TAF4: variants seen among roughly 807,000 people sequenced by gnomAD.
TAF4 encodes transcription initiation factor TFIID subunit 4.
A neutral mutation model predicts 90.3 loss-of-function variants in TAF4; 9 were observed. That is an observed-to-expected ratio of 0.10 (90% CI 0.06 to 0.17). The LOEUF (loss-of-function observed/expected upper bound fraction) is 0.17. Ranked by LOEUF, TAF4 falls within the 10% of genes least tolerant of loss-of-function variation. The probability of loss-of-function intolerance (pLI) is 1.00; values close to 1 mark genes in which losing one functional copy is unlikely to be tolerated. For missense variants in TAF4, 1,351 were observed against 1,370.7 expected (o/e 0.99, Z 0.23); for synonymous variants, 818 against 638.9 (o/e 1.28, Z -4.23).
chr20:61,980,924 G>C (rs1247113270), intron 14 of TAF4: 1 of 152,552 alleles, frequency 6.6e-6, no homozygotes, highest in Non-Finnish European at 1.5e-5. Context: ...CAGGGCCTGA[G>C]AGGTGTCCAG....
intron 9 of TAF4, among the ~76,000 whole-genome samples, chr20:62,002,897 GA>G (rs1568928434): frequency 1.3e-5 from 2 of 152,306 alleles, no homozygotes; most frequent in Non-Finnish European, 2.9e-5. Context: ...ACTAAAAAAT[GA>G]ATTTCCTATT....
chr20:62,024,165 A>C (rs1040590224), intron 1 of TAF4, among the ~76,000 whole-genome samples: 1 of 152,222 alleles, frequency 6.6e-6, no homozygotes, highest in Admixed American at 6.5e-5. Flanking sequence ...AAGCAGGCCC[A>C]CACGCGGATG....
intron 14 of TAF4, among the ~76,000 whole-genome samples, chr20:61,993,293 C>T (rs1036199488): frequency 5.3e-5 from 8 of 152,210 alleles, no homozygotes; most frequent in African/African-American, 1.4e-4. Context: ...GAGCAGCCAG[C>T]GTCCTGCCGC....
intron 1 of TAF4, 145 bp from the exon 2 acceptor site, chr20:62,014,852 A>C (rs2123151524): frequency 8.9e-7 from 1 of 1,127,678 alleles, no homozygotes. Context: ...CAAACTCAAA[A>C]CACACTTGTG....
intron 1 of TAF4, among the ~76,000 whole-genome samples, chr20:62,059,088 G>A (rs936393285): frequency 2.0e-5 from 3 of 152,304 alleles, no homozygotes; most frequent in South Asian, 2.1e-4. Flanking sequence ...GCCCTCACAC[G>A]CGGTTCCCAA....
At position 61,990,618 on chromosome 20, in the gene TAF4, G is replaced by T. The variant is rs1740368; in HGVS notation, c.3090+6932C>A. Among the ~76,000 whole-genome samples the T allele has an allele frequency of 6.7e-3, 1,020 of 152,328 alleles. 11 individuals carry two copies. The highest frequency in any genetic ancestry group is 0.023 in the African/African-American group (975 of 41,574). ...TCCAAGAGCCGCAGTCAAACCTGGG[G>T]CAGGGGAGGACCAGGGAGGGCAGCC... is the stretch of plus-strand genomic sequence containing the variant. On this transcript the variant is annotated intron_variant, in intron 14 of 14. Transcript: ENST00000252996.
At chr20:62,012,617 GA>G (rs1381083115) in intron 3 of TAF4, 197 bp downstream of exon 3, 10 of 675,128 alleles carry the variant, frequency 1.5e-5, no homozygotes, top group African/African-American at 5.8e-5. Flanking sequence ...AAAGAAAAAA[GA>G]AAAAAAGAAA....
In TAF4 at chr20:62,014,035, T is replaced by G. The variant is rs553122594; in HGVS notation, c.1521+512A>C. Among the ~76,000 whole-genome samples the G allele has an allele frequency of 3.2e-4, 44 of 138,944 alleles. 1 individual carries two copies. The highest frequency in any genetic ancestry group is 1.2e-3 in the African/African-American group (40 of 32,736). 91.2% of individuals were successfully genotyped at this position (138,944 alleles called of 152,430 possible). A position where few individuals can be genotyped will look rare whatever the true frequency, so the allele number is the denominator to read the frequency against. On this transcript the variant is annotated intron_variant, in intron 2 of 14. Transcript: ENST00000252996. The stretch of plus-strand genomic sequence containing the variant: ...GGGGGTGTGGGTGTGTGTGTGTGTG[T>G]GTGTGTGTGTATGTGTGTGTGTGTG...
At chr20:61,979,784 G>A (rs939440583) in intron 14 of TAF4, among the ~76,000 whole-genome samples, 5 of 148,288 alleles carry the variant, frequency 3.4e-5, no homozygotes, top group African/African-American at 1.3e-4. Flanking sequence ...CACTCCAGAG[G>A]GACTGCGGCA....
chr20:62,049,675 G>GCCCAACT (rs1368757730), intron 1 of TAF4, among the ~76,000 whole-genome samples: 2 of 43,374 alleles, frequency 4.6e-5, no homozygotes, highest in South Asian at 5.3e-4. Flanking sequence ...GTGCACCCCA[G>GCCCAACT]CCCAACTCCC....
chr20:62,047,410 G>C (rs1053415017), intron 1 of TAF4, among the ~76,000 whole-genome samples: 1 of 152,164 alleles, frequency 6.6e-6, no homozygotes, highest in Non-Finnish European at 1.5e-5. Context: ...GGCACTCAGA[G>C]CATGGACTTC....
At chr20:62,052,451 A>G (rs1356428099) in intron 1 of TAF4, among the ~76,000 whole-genome samples, 1 of 151,988 alleles carries the variant, frequency 6.6e-6, no homozygotes, top group African/African-American at 2.4e-5. Flanking sequence ...ATCTGGAACC[A>G]GCCGCCTCCA....
At position 62,065,473 on chromosome 20, in the gene TAF4, G is replaced by T. The variant is rs919195507; in HGVS notation, c.338C>A (p.Pro113His). The change falls in exon 1 of 15, where the codon CCC (proline) becomes CAC (histidine). Residue 113 changes from proline (P) to histidine (H), a missense_variant. Physicochemically the swap from Pro to His is moderately conservative, Grantham distance 77 (BLOSUM62 -2). This residue lies in a region of TAF4 where 782 missense variants were observed against 536.6 expected (regional missense o/e 1.46). Transcript: ENST00000252996. Reference sequence around the variant, plus strand: ...CGGCGCGGGCCCTGCGGGGACAAGGGGGCGGCGCGGTGAGGGGGGGCCCGG... The same window carrying T: ...CGGCGCGGGCCCTGCGGGGACAAGGTGGCGGCGCGGTGAGGGGGGGCCCGG... ...QRPGPPSPRR[P>H]LVPAGPAPPA... 1.6e-5 allele frequency: 16 copies of T among 975,536 alleles called. No homozygotes were observed. The highest frequency in any genetic ancestry group is 1.9e-5 in the Non-Finnish European group (16 of 824,180). 60.4% of individuals were successfully genotyped at this position (975,536 alleles called of 1,614,324 possible).
Position 61,975,931 on chromosome 20 carries a change from G to A in TAF4, c.*237C>T. On this transcript the variant is annotated 3_prime_UTR_variant, in exon 15 of 15. Transcript: ENST00000252996. ...TTATATATGGCTTGTTTGGCAGGAA[G>A]GCCACTCAATCAAGATGAGTTAAGA... is the stretch of plus-strand genomic sequence containing the variant. 2 of 514,024 alleles carry A rather than the reference G, an allele frequency of 3.9e-6. No homozygotes were observed. Among genetic ancestry groups the A allele is most frequent in the East Asian group, 3.1e-5 (1 of 31,826 alleles). The allele number at this position is 514,024 out of a possible 1,614,324, so 31.8% of individuals were successfully genotyped here. A position where few individuals can be genotyped will look rare whatever the true frequency, so the allele number is the denominator to read the frequency against.
At chr20:62,021,382 G>C (rs1052166025) in intron 1 of TAF4, among the ~76,000 whole-genome samples, 1 of 152,274 alleles carries the variant, frequency 6.6e-6, no homozygotes, top group African/African-American at 2.4e-5. Flanking sequence ...AGGGTCCGGA[G>C]GGCCAGGGCG....
At chr20:62,024,897 A>G (rs2055866218) in intron 1 of TAF4, among the ~76,000 whole-genome samples, 1 of 152,194 alleles carries the variant, frequency 6.6e-6, no homozygotes, top group African/African-American at 2.4e-5. Flanking sequence ...GGGCAATTGA[A>G]TAGACCCTTC....
intron 9 of TAF4, 142 bp downstream of exon 9, chr20:62,003,018 G>A: frequency 3.2e-6 from 2 of 621,646 alleles, no homozygotes; most frequent in Non-Finnish European, 5.7e-6. Flanking sequence ...TGAGGTCAAA[G>A]TGAGCGTGAA....
chr20:62,065,238 G>A lies in TAF4; in HGVS notation c.573C>T (p.Gly191=), dbSNP rs977068049. 4.6e-6 allele frequency: 5 copies of A among 1,095,532 alleles called. No homozygotes were observed. In the African/African-American group the frequency reaches 5.6e-5, roughly 12 times the overall value. The allele number at this position is 1,095,532 out of a possible 1,614,324, so 67.9% of individuals were successfully genotyped here. Residue 191 remains glycine (G), a synonymous_variant, in exon 1 of 15, where the codon GGC becomes GGT. Coordinates refer to ENST00000252996, the MANE Select transcript of TAF4 (RefSeq NM_003185.4). ...GPGPGPGKPA[G]PGAAQTLNGS... is the part of the protein sequence containing the mutation. ...CATTCAAAGTTTGCGCGGCGCCGGG[G>A]CCGGCGGGCTTGCCAGGGCCAGGGC...
At chr20:61,999,197 C>G (rs2055682565) in intron 11 of TAF4, 89 bp from the exon 12 acceptor site, 1 of 1,512,612 alleles carries the variant, frequency 6.6e-7, no homozygotes, top group South Asian at 1.2e-5. Flanking sequence ...CATCCGTGCA[C>G]AACGCCCTCC....
Sources: allele counts gnomAD v4.1 joint callset (sites outside exome capture counted in the v4.1 genomes callset), GRCh38; gene constraint gnomAD v4.1.1; regional missense constraint gnomAD v4.1.1; transcripts MANE v1.5; gene names NCBI Gene and HGNC (gene_info 2026-07-23, HGNC 2026-07-21).